The following SLC28A3 variants were observed in gnomAD, a reference collection of about 807,000 sequenced individuals.
SLC28A3 encodes the protein solute carrier family 28 member 3, also known as concentrative Na(+)-nucleoside cotransporter 3.
Under a neutral mutation model 84.2 loss-of-function variants are expected in SLC28A3, and 68 were observed. The observed-to-expected ratio is 0.81, with a 90% CI of 0.66 to 0.99. The LOEUF (loss-of-function observed/expected upper bound fraction) is 0.99. Ranked by LOEUF, SLC28A3 falls within the 50% of genes least tolerant of loss-of-function variation. SLC28A3 has a pLI of 0.00. For missense variants in SLC28A3, 712 were observed against 841.5 expected, an observed-to-expected ratio of 0.85 and a Z score of 1.90; for synonymous variants, 267 against 303.6, an observed-to-expected ratio of 0.88 and a Z score of 1.25.
At chr9:84,290,832 AAAAC>A (rs59932389) in intron 10 of SLC28A3, among the ~76,000 whole-genome samples, 8,735 of 150,894 alleles carry the variant, frequency 0.058, 322 homozygotes, top group South Asian at 0.12. Flanking sequence ...ACAAGCATTA[AAAAC>A]AAACAAACAA....
chr9:84,311,457 G>C (rs551977625), intron 2 of SLC28A3, among the ~76,000 whole-genome samples: 236 of 152,094 alleles, frequency 1.6e-3, no homozygotes, highest in African/African-American at 5.5e-3. Flanking sequence ...AAAGTCTGCA[G>C]TGAGACTCTC....
chr9:84,346,773 C>G, the SLC28A3 span, among the ~76,000 whole-genome samples: 1 of 152,122 alleles, frequency 6.6e-6, no homozygotes, highest in Non-Finnish European at 1.5e-5. Flanking sequence ...CCAGGAAAGG[C>G]CAGCCAGAGC....
At chr9:84,348,777 T>C in the SLC28A3 span, among the ~76,000 whole-genome samples, 1 of 152,154 alleles carries the variant, frequency 6.6e-6, no homozygotes, top group African/African-American at 2.4e-5. Flanking sequence ...GAGTTTCTCC[T>C]GAATTTCTGT....
chr9:84,277,729 T>C lies in SLC28A3; in HGVS notation c.*489A>G. ...GACTTCCTGAGGGTAGTCAATGAGT[T>C]GGTGATTGATGACTAGTTTTCCCTT... On this transcript the variant is annotated 3_prime_UTR_variant, in exon 18 of 18. Transcript: ENST00000376238. The C allele has an allele frequency of 6.5e-6, 1 of 153,734 alleles. No individual in the cohort carries two copies. 9.5% of individuals were successfully genotyped at this position (153,734 alleles called of 1,614,324 possible).
At chr9:84,335,391 A>T (rs990726118) in intron 1 of SLC28A3, among the ~76,000 whole-genome samples, 3 of 152,156 alleles carry the variant, frequency 2.0e-5, no homozygotes, top group African/African-American at 7.2e-5. Flanking sequence ...TATAAAAAAT[A>T]AAAAAACTTA....
At chr9:84,359,382 A>G in the SLC28A3 span, among the ~76,000 whole-genome samples, 1 of 152,246 alleles carries the variant, frequency 6.6e-6, no homozygotes, top group Non-Finnish European at 1.5e-5. Flanking sequence ...TGTTCATTGT[A>G]GTATTAATAA....
the SLC28A3 span, among the ~76,000 whole-genome samples, chr9:84,362,631 TA>T: frequency 0.055 from 8,022 of 144,944 alleles, 372 homozygotes; most frequent in African/African-American, 0.13. Context: ...AGACTCTGTT[TA>T]AAAAAAAAAA....
rs11568418 is a variant in SLC28A3 at position 84,292,709 on chromosome 9, T to C, written c.982A>G (p.Ile328Val). 2.5e-3 allele frequency: 3,987 copies of C among 1,609,000 alleles called. 77 individuals are homozygous for C. In the African/African-American group the frequency reaches 0.047, roughly 19 times the overall value. Reference sequence around the variant, plus strand: ...TTGCCAGAAGCAACTACAGATTCAATAGGAGATGATCCCGTAGTAACTAGC... The same window carrying C: ...TTGCCAGAAGCAACTACAGATTCAACAGGAGATGATCCCGTAGTAACTAGC... The part of the protein sequence containing the change: ...IMLVTTGSSP[I>V]ESVVASGNIF... The change falls in exon 10 of 18, where the codon ATT (isoleucine) becomes GTT (valine). Residue 328 changes from isoleucine to valine, a missense_variant. Transcript: ENST00000376238.
At chr9:84,305,183 A>T in intron 4 of SLC28A3, 71 bp downstream of exon 4, 1 of 1,216,544 alleles carries the variant, frequency 8.2e-7, no homozygotes, top group Non-Finnish European at 1.2e-6. Context: ...ACATAAAGTT[A>T]ATATTTGGGG....
intron 1 of SLC28A3, among the ~76,000 whole-genome samples, chr9:84,325,562 T>A (rs1175636601): frequency 6.6e-6 from 1 of 152,248 alleles, no homozygotes; most frequent in East Asian, 1.9e-4. Context: ...TTAACCAAAC[T>A]AGCTTTCTGT....
chr9:84,307,753 C>T (rs918866656), intron 3 of SLC28A3, among the ~76,000 whole-genome samples: 1 of 152,214 alleles, frequency 6.6e-6, no homozygotes, highest in Non-Finnish European at 1.5e-5. Context: ...TGTAGGTTGA[C>T]TCTATCAGGT....
chr9:84,303,635 C>T (rs1025856281), intron 4 of SLC28A3, among the ~76,000 whole-genome samples: 3 of 151,918 alleles, frequency 2.0e-5, no homozygotes, highest in African/African-American at 2.4e-5. Flanking sequence ...AGAATTTTGA[C>T]GTGACAGCTC....
intron 1 of SLC28A3, among the ~76,000 whole-genome samples, chr9:84,336,327 C>A (rs2118615528): frequency 7.4e-6 from 1 of 135,504 alleles, no homozygotes; most frequent in Admixed American, 8.1e-5. Flanking sequence ...CGTTGTGAAA[C>A]CCTGTCTCTA....
chr9:84,281,463 T>C (rs1255837167), intron 14 of SLC28A3, among the ~76,000 whole-genome samples: 1 of 152,158 alleles, frequency 6.6e-6, no homozygotes, highest in Non-Finnish European at 1.5e-5. Flanking sequence ...CTACTATGCC[T>C]CCACTAAAAT....
chr9:84,313,515 C>G (rs1826063335), intron 1 of SLC28A3, 61 bp from the exon 2 acceptor site: 1 of 1,378,524 alleles, frequency 7.3e-7, no homozygotes, highest in Non-Finnish European at 1.0e-6. Flanking sequence ...GATGTTCTTT[C>G]ATGAAAAATA....
chr9:84,281,490 T>A (rs1398618722), intron 14 of SLC28A3, among the ~76,000 whole-genome samples: 3 of 152,176 alleles, frequency 2.0e-5, no homozygotes, highest in Non-Finnish European at 4.4e-5. Context: ...ATACAAAGTG[T>A]TGACAAGGAT....
chr9:84,349,642 T>C, the SLC28A3 span, among the ~76,000 whole-genome samples: 1 of 152,232 alleles, frequency 6.6e-6, no homozygotes, highest in East Asian at 1.9e-4. Context: ...AACCTGTCAG[T>C]AGCCAGTTTT....
intron 5 of SLC28A3, among the ~76,000 whole-genome samples, 190 bp from the exon 6 acceptor site, chr9:84,299,915 C>A (rs1825562852): frequency 6.6e-6 from 1 of 152,128 alleles, no homozygotes; most frequent in South Asian, 2.1e-4. Context: ...GCCTCAGCCT[C>A]CCCAGTAGCT....
intron 4 of SLC28A3, among the ~76,000 whole-genome samples, chr9:84,304,144 T>C (rs756769327): frequency 2.6e-5 from 4 of 152,268 alleles, no homozygotes; most frequent in Admixed American, 6.5e-5. Flanking sequence ...AATACAGCCA[T>C]GTCTGTCTAC....
Sources: gnomAD v4.1 joint callset for allele counts (sites outside exome capture counted in the v4.1 genomes callset) on GRCh38, gnomAD v4.1.1 for gene constraint, MANE v1.5 for transcripts, NCBI Gene and HGNC (gene_info 2026-07-23, HGNC 2026-07-21) for gene names.